The following PARP6 variants were observed in gnomAD, a reference collection of about 807,000 sequenced individuals.
PARP6 encodes the protein protein mono-ADP-ribosyltransferase PARP6.
Under a neutral mutation model 92.0 loss-of-function variants are expected in PARP6, and 27 were observed. The observed-to-expected ratio is 0.29, with a 90% confidence interval of 0.22 to 0.40. The LOEUF (loss-of-function observed/expected upper bound fraction) is 0.40. Ranked by LOEUF, PARP6 falls within the 10% of genes least tolerant of loss-of-function variation. PARP6 has a pLI of 1.00. For missense variants in PARP6, 501 were observed against 784.5 expected (o/e 0.64, Z 4.32); for synonymous variants, 272 against 281.2 (o/e 0.97, Z 0.33).
intron 11 of PARP6, among the ~76,000 whole-genome samples, chr15:72,259,221 A>C (rs1188724822): frequency 1.3e-5 from 2 of 152,242 alleles, no homozygotes; most frequent in Non-Finnish European, 2.9e-5. Context: ...GAATAAAGAG[A>C]TTTTAAAAAG....
intron 14 of PARP6, 53 bp from the exon 15 acceptor site, chr15:72,254,573 G>A (rs74333089): frequency 0.021 from 30,490 of 1,425,554 alleles, 452 homozygotes; most frequent in Non-Finnish European, 0.027. Flanking sequence ...GTAGAGGAAA[G>A]TAAGATGTGA....
At chr15:72,271,512 T>G (rs2087428878) in intron 1 of PARP6, among the ~76,000 whole-genome samples, 1 of 152,146 alleles carries the variant, frequency 6.6e-6, no homozygotes, top group African/African-American at 2.4e-5. Flanking sequence ...ACAAACACTT[T>G]TTAAAAAATT....
At chr15:72,258,221 C>A (rs1481038725) in intron 11 of PARP6, 89 bp from the exon 12 acceptor site, 5 of 916,866 alleles carry the variant, frequency 5.5e-6, no homozygotes. Context: ...CAACTACCCT[C>A]CATCCTCCCA....
intron 9 of PARP6, among the ~76,000 whole-genome samples, chr15:72,261,302 G>T (rs577448721): frequency 6.6e-6 from 1 of 152,336 alleles, no homozygotes; most frequent in East Asian, 1.9e-4. Context: ...CAGAAAGATG[G>T]AAGATTCAGC....
chr15:72,260,412 C>T lies in PARP6; in HGVS notation c.756+66G>A. 2.3e-6 allele frequency: 3 copies of T among 1,328,392 alleles called. No homozygotes were observed. The Admixed American group carries it at 5.6e-5, about 25-fold the overall frequency. The allele number at this position is 1,328,392 out of a possible 1,614,324, so 82.3% of individuals were successfully genotyped here. ...CATATCCCCACCCCATTTTGAGAAA[C>T]TACACTCCCACAGTTCCACTCCCAC... is the stretch of plus-strand genomic sequence containing the variant. On this transcript the variant is annotated intron_variant, in intron 10 of 23. Transcript: ENST00000569795.
chr15:72,268,363 G>A (rs2086886696), intron 2 of PARP6, among the ~76,000 whole-genome samples: 1 of 152,156 alleles, frequency 6.6e-6, no homozygotes, highest in Non-Finnish European at 1.5e-5. Context: ...ATTATTTCTG[G>A]ACTCTTTATT....
chr15:72,250,808 CT>C, intron 18 of PARP6, 36 bp downstream of exon 18: 4 of 1,021,660 alleles, frequency 3.9e-6, no homozygotes, highest in Non-Finnish European at 6.0e-6. Flanking sequence ...TCCCCGCCCC[CT>C]CACCACCCCC....
At chr15:72,256,962 C>A (rs2085224449) in intron 13 of PARP6, among the ~76,000 whole-genome samples, 1 of 152,120 alleles carries the variant, frequency 6.6e-6, no homozygotes, top group Non-Finnish European at 1.5e-5. Context: ...ACTGCAGCCT[C>A]GACCTCCTGA....
At chr15:72,249,375 G>GGCA in intron 19 of PARP6, 61 bp from the exon 20 acceptor site, 1 of 955,056 alleles carries the variant, frequency 1.0e-6, no homozygotes, top group Non-Finnish European at 1.7e-6. Flanking sequence ...CTATTTATTA[G>GGCA]GCAGCAGCAA....
intron 19 of PARP6, among the ~76,000 whole-genome samples, chr15:72,249,748 T>C (rs1372194016): frequency 6.6e-6 from 1 of 152,224 alleles, no homozygotes; most frequent in Non-Finnish European, 1.5e-5. Flanking sequence ...AATAGATTAA[T>C]TCATCACAGT....
chr15:72,257,322 C>T (rs1036622973), intron 13 of PARP6, 26 bp downstream of exon 13: 1 of 1,544,768 alleles, frequency 6.5e-7, no homozygotes, highest in African/African-American at 1.4e-5. Flanking sequence ...ATCCCAATTC[C>T]CCAGCCACGT....
At chr15:72,265,367 A>C (rs1027605581) in intron 6 of PARP6, 46 bp downstream of exon 6, 1 of 1,527,466 alleles carries the variant, frequency 6.5e-7, no homozygotes, top group Non-Finnish European at 9.1e-7. Flanking sequence ...GACAAATTCC[A>C]CAAGTCCAGC....
chr15:72,241,906 G>A lies in PARP6; in HGVS notation c.1785C>T (p.Phe595=). The change falls in exon 23 of 24, where the codon TTC becomes TTT. Residue 595 remains phenylalanine, a synonymous_variant. Coordinates refer to ENST00000569795, the MANE Select transcript of PARP6 (RefSeq NM_001323532.2). This position sits in a 1 kb window ranked among gnomAD's most constrained non-coding sequence, Gnocchi z 4.1. ...PVSDHVCTRF[F]FVYEDGQVGD... ...AGAGTCCCTCCGACACTTACACAAA[G>A]AAGAATCTTGTGCAGACATGGTCGG... is the stretch of plus-strand genomic sequence containing the variant. 1 of 1,611,076 alleles carries A rather than the reference G, an allele frequency of 6.2e-7. No individual in the cohort carries two copies. Among genetic ancestry groups the A allele is most frequent in the Non-Finnish European group, 8.5e-7 (1 of 1,177,228 alleles).
At chr15:72,254,966 T>C (rs960297776) in intron 14 of PARP6, among the ~76,000 whole-genome samples, 1 of 152,132 alleles carries the variant, frequency 6.6e-6, no homozygotes, top group Non-Finnish European at 1.5e-5. Context: ...GTGTTTCTGG[T>C]TGAGATTAAC....
chr15:72,259,166 A>G (rs922533434), intron 11 of PARP6, among the ~76,000 whole-genome samples: 7 of 152,238 alleles, frequency 4.6e-5, no homozygotes, highest in African/African-American at 1.4e-4. Flanking sequence ...GAAGAATTAC[A>G]TGAACAAAGG....
Position 72,260,696 on chromosome 15 carries a change from G to A in PARP6, c.546-8C>T. Reference sequence around the variant, plus strand: ...ATAGGGAAACTGGGAGACCTGCAGAGAGAGAGCAAAGAGAAGTGATAAAAC... The same window carrying A: ...ATAGGGAAACTGGGAGACCTGCAGAAAGAGAGCAAAGAGAAGTGATAAAAC... On this transcript the variant is annotated splice_region_variant and splice_polypyrimidine_tract_variant and intron_variant, in intron 9 of 23. Transcript: ENST00000569795. The A allele has an allele frequency of 2.5e-6, 4 of 1,601,496 alleles. No individual in the cohort carries two copies. The highest frequency in any genetic ancestry group is 3.4e-6 in the Non-Finnish European group (4 of 1,168,556).
In PARP6 at chr15:72,265,538, G is replaced by C. The variant is rs973147726; in HGVS notation, c.177-65C>G. On this transcript the variant is annotated intron_variant, in intron 5 of 23. Transcript: ENST00000569795. ...GGAGAAAGAAGGGAATAGAAACTGA[G>C]TTGGAAAGAGAACTGAGCCTGGGGA... is the stretch of plus-strand genomic sequence containing the variant. 7.1e-6 allele frequency: 9 copies of C among 1,263,828 alleles called. No individual in the cohort carries two copies. In the African/African-American group the frequency reaches 1.3e-4, roughly 19 times the overall value. 78.3% of individuals were successfully genotyped at this position (1,263,828 alleles called of 1,614,324 possible).
At chr15:72,255,848 G>C (rs2085046383) in intron 14 of PARP6, among the ~76,000 whole-genome samples, 1 of 128,546 alleles carries the variant, frequency 7.8e-6, no homozygotes, top group South Asian at 2.6e-4. Flanking sequence ...GCAGGCTGGA[G>C]TGCAGTAGTA....
intron 18 of PARP6, 26 bp downstream of exon 18, chr15:72,250,819 C>A: frequency 1.6e-6 from 2 of 1,270,956 alleles, no homozygotes; most frequent in East Asian, 2.4e-5. Context: ...TCACCACCCC[C>A]ACTGCCCAGC....
Sources: gnomAD v4.1 joint callset for allele counts (sites outside exome capture counted in the v4.1 genomes callset) on GRCh38, gnomAD v4.1.1 for gene constraint, Gnocchi (gnomAD v3.1) non-coding constraint, MANE v1.5 for transcripts, NCBI Gene and HGNC (gene_info 2026-07-23, HGNC 2026-07-21) for gene names.